The following GNG2 variants were observed in gnomAD, a reference collection of about 807,000 sequenced individuals.
The protein encoded by GNG2 is guanine nucleotide-binding protein G(I)/G(S)/G(O) subunit gamma-2.
Under a neutral mutation model 5.5 loss-of-function variants are expected in GNG2, and 5 were observed. The observed-to-expected ratio is 0.91, with a 90% CI of 0.48 to 1.92. The LOEUF is 1.92. Ranked by LOEUF, GNG2 falls within the 30% of genes most tolerant of loss-of-function variation. The probability of loss-of-function intolerance (pLI) is 0.01; values close to 1 mark genes in which losing one functional copy is unlikely to be tolerated. For synonymous variants in GNG2, 28 were observed against 32.0 expected (o/e 0.88, Z 0.42); for missense variants, 55 against 88.4 (o/e 0.62, Z 1.52).
chr14:51,892,977 T>C (rs1379305331), intron 2 of GNG2, among the ~76,000 whole-genome samples: 1 of 152,228 alleles, frequency 6.6e-6, no homozygotes, highest in African/African-American at 2.4e-5. Context: ...ACCTAGCTTG[T>C]AGTTGTGGAT....
intron 2 of GNG2, among the ~76,000 whole-genome samples, chr14:51,941,690 C>G (rs940654039): frequency 6.6e-6 from 1 of 152,190 alleles, no homozygotes; most frequent in African/African-American, 2.4e-5. Flanking sequence ...GTGTTTATTA[C>G]TAAGCCTAAA....
rs572724329 is a variant in GNG2, at chr14:51,946,637, A to G, written c.-29-4013A>G. 2.6e-5 allele frequency among the ~76,000 whole-genome samples: 4 copies of G among 152,108 alleles called. 1 individual carries two copies. The highest frequency in any genetic ancestry group is 9.6e-5 in the African/African-American group (4 of 41,494). On this transcript the variant is annotated intron_variant, in intron 2 of 3. Transcript: ENST00000556766. ...TCATCTTCCTCTCTCCTCCTCACCA[A>G]CACTAGATGCCATTGTGTCTCCTCC...
At chr14:51,944,115 G>C (rs1888505009) in intron 2 of GNG2, among the ~76,000 whole-genome samples, 1 of 152,156 alleles carries the variant, frequency 6.6e-6, no homozygotes, top group African/African-American at 2.4e-5. Context: ...CAATGGAATA[G>C]CATAAAGAGC....
chr14:51,854,455 C>T (rs1222980203), intron 2 of GNG2, among the ~76,000 whole-genome samples: 1 of 152,082 alleles, frequency 6.6e-6, no homozygotes, highest in Non-Finnish European at 1.5e-5. Context: ...TCTCTGGGCA[C>T]AACTGTTGGT....
At chr14:51,928,863 G>A (rs534074967) in intron 2 of GNG2, among the ~76,000 whole-genome samples, 2 of 152,272 alleles carry the variant, frequency 1.3e-5, no homozygotes, top group African/African-American at 4.8e-5. Context: ...GTGAGCCACC[G>A]CGCCTGGCCG....
At chr14:51,922,206 T>C (rs1309109403) in intron 2 of GNG2, among the ~76,000 whole-genome samples, 1 of 151,620 alleles carries the variant, frequency 6.6e-6, no homozygotes, top group Non-Finnish European at 1.5e-5. Flanking sequence ...TGCTTTCTTA[T>C]AAAAGAGAGA....
At chr14:51,927,160 C>T (rs1487085837) in intron 2 of GNG2, among the ~76,000 whole-genome samples, 1 of 8,556 alleles carries the variant, frequency 1.2e-4, no homozygotes, top group Non-Finnish European at 2.9e-4. Context: ...ACTCAAAAGT[C>T]AGGTCTTTTG....
At chr14:51,895,484 A>G (rs1214509582) in intron 2 of GNG2, among the ~76,000 whole-genome samples, 1 of 152,224 alleles carries the variant, frequency 6.6e-6, no homozygotes, top group Non-Finnish European at 1.5e-5. Flanking sequence ...ATGTTTACTT[A>G]TAACATTTTC....
chr14:51,914,089 C>A (rs911770263), intron 2 of GNG2: 3 of 610,484 alleles, frequency 4.9e-6, no homozygotes, highest in Non-Finnish European at 8.9e-6. Context: ...TGCTTGCTTG[C>A]CTTTTTATCT....
chr14:51,835,213 A>C (rs1344765145), intron 2 of GNG2, among the ~76,000 whole-genome samples: 7 of 152,262 alleles, frequency 4.6e-5, no homozygotes, highest in Non-Finnish European at 1.0e-4. Flanking sequence ...AGAAGCAAGA[A>C]GCAGCAGTGA....
In GNG2 at chr14:51,837,851, C is replaced by T. The variant is rs112980640; in HGVS notation, c.64+10044C>T. On this transcript the variant is annotated intron_variant, in intron 2 of 3. Transcript: ENST00000553432. ...TGTCCAGAGGGCAATAATAGTGTAACCTTGGAGTGATATTTCCAACCAAGA... is the reference window on the plus strand; with the variant it reads ...TGTCCAGAGGGCAATAATAGTGTAATCTTGGAGTGATATTTCCAACCAAGA... 3.9e-5 allele frequency among the ~76,000 whole-genome samples: 6 copies of T among 152,066 alleles called. No individual in the cohort carries two copies. The South Asian group carries it at 1.0e-3, about 26-fold the overall frequency.
At chr14:51,916,878 CA>C (rs945938307) in intron 2 of GNG2, among the ~76,000 whole-genome samples, 1 of 152,168 alleles carries the variant, frequency 6.6e-6, no homozygotes, top group Non-Finnish European at 1.5e-5. Context: ...AAGAGCCAGC[CA>C]AAACAGTGGG....
chr14:51,861,073 C>T (rs571103076), intron 1 of GNG2, among the ~76,000 whole-genome samples: 1 of 152,072 alleles, frequency 6.6e-6, no homozygotes, highest in Non-Finnish European at 1.5e-5. Context: ...AGGGCTGAGT[C>T]GAAATCCATC....
chr14:51,869,114 T>C (rs72678129), intron 1 of GNG2, among the ~76,000 whole-genome samples: 8,868 of 152,306 alleles, frequency 0.058, 354 homozygotes, highest in Non-Finnish European at 0.094. Flanking sequence ...TTTGAATAAG[T>C]GAAGACTAAC....
At chr14:51,842,225 T>C (rs757195793) in intron 2 of GNG2, among the ~76,000 whole-genome samples, 13 of 152,258 alleles carry the variant, frequency 8.5e-5, no homozygotes, top group Non-Finnish European at 1.2e-4. Context: ...TAGGGATTCA[T>C]GCAAGAAGGT....
chr14:51,943,347 T>A (rs1376686684), intron 2 of GNG2, among the ~76,000 whole-genome samples: 1 of 152,222 alleles, frequency 6.6e-6, no homozygotes, highest in Non-Finnish European at 1.5e-5. Context: ...GCCATTTCAG[T>A]GGTTAATGAA....
intron 2 of GNG2, among the ~76,000 whole-genome samples, chr14:51,897,973 G>A (rs1488701065): frequency 6.6e-6 from 1 of 152,198 alleles, no homozygotes; most frequent in Non-Finnish European, 1.5e-5. Context: ...GAAACCCTCT[G>A]GCTATGTATT....
intron 1 of GNG2, among the ~76,000 whole-genome samples, chr14:51,874,437 A>AC (rs1302382605): frequency 6.6e-6 from 1 of 151,144 alleles, no homozygotes; most frequent in Non-Finnish European, 1.5e-5. Context: ...AAAAAAAAAA[A>AC]AAAAACAGTC....
intron 2 of GNG2, among the ~76,000 whole-genome samples, chr14:51,854,449 TG>T (rs1882054986): frequency 6.6e-6 from 1 of 152,166 alleles, no homozygotes; most frequent in Non-Finnish European, 1.5e-5. Flanking sequence ...AAACTCTCTC[TG>T]GGCACAACTG....
Sources: allele counts gnomAD v4.1 joint callset (sites outside exome capture counted in the v4.1 genomes callset), GRCh38; gene constraint gnomAD v4.1.1; transcripts MANE v1.5; gene names NCBI Gene and HGNC (gene_info 2026-07-23, HGNC 2026-07-21).